Variants in FGF13 observed in about 807,000 individuals in gnomAD.
The protein encoded by FGF13 is fibroblast growth factor 13.
Under a neutral mutation model 19.5 loss-of-function variants are expected in FGF13, and 2 were observed. The ratio of observed to expected loss-of-function variants is 0.10; its 90% CI spans 0.04 to 0.32. The LOEUF (loss-of-function observed/expected upper bound fraction) is 0.32, where lower values mean the gene tolerates loss of function less well. Ranked by LOEUF, FGF13 falls within the 10% of genes least tolerant of loss-of-function variation. FGF13 has a pLI of 1.00. For missense variants in FGF13, 113 were observed against 192.7 expected (o/e 0.59, Z 2.45); for synonymous variants, 72 against 76.9 (o/e 0.94, Z 0.33).
chrX:138,819,705 A>G (rs1369221835), intron 3 of FGF13, among the ~76,000 whole-genome samples: 1 of 112,127 alleles, frequency 8.9e-6, no homozygotes, highest in Non-Finnish European at 1.9e-5. Flanking sequence ...AAAACTTTCA[A>G]TAATGGAGGC....
At chrX:138,840,778 T>C (rs1025691719) in intron 3 of FGF13, among the ~76,000 whole-genome samples, 1 of 111,802 alleles carries the variant, frequency 8.9e-6, no homozygotes, top group African/African-American at 3.2e-5. Context: ...GGTGGTGGTC[T>C]ACCAACCAAG....
At chrX:139,136,330 T>C (rs1193940010) in intron 1 of FGF13, among the ~76,000 whole-genome samples, 1 of 110,908 alleles carries the variant, frequency 9.0e-6, no homozygotes, top group Non-Finnish European at 1.9e-5. Flanking sequence ...AACTAATGTA[T>C]AGTTATTTAT....
intron 3 of FGF13, among the ~76,000 whole-genome samples, chrX:138,828,462 C>G (rs921151206): frequency 9.2e-6 from 1 of 108,562 alleles, no homozygotes; most frequent in African/African-American, 3.4e-5. Flanking sequence ...CCCAGCTACT[C>G]GAGAGGCTGA....
intron 1 of FGF13, among the ~76,000 whole-genome samples, chrX:138,939,313 T>C (rs1225427186): frequency 5.3e-5 from 6 of 112,293 alleles, no homozygotes; most frequent in Non-Finnish European, 9.4e-5. Flanking sequence ...GATTTCTCCC[T>C]GTATTCATAA....
intron 1 of FGF13, among the ~76,000 whole-genome samples, chrX:138,936,373 G>T (rs1474778417): frequency 1.8e-5 from 2 of 112,164 alleles, no homozygotes; most frequent in South Asian, 3.8e-4. Flanking sequence ...TAACTTCATT[G>T]TGACTATCTG....
intron 1 of FGF13, among the ~76,000 whole-genome samples, chrX:138,872,850 T>A (rs1245347371): frequency 9.0e-6 from 1 of 111,245 alleles, no homozygotes; most frequent in African/African-American, 3.3e-5. Flanking sequence ...CATTCTTCTC[T>A]GCTCCTTTAT....
At chrX:138,670,310 T>C (rs759850527) in intron 3 of FGF13, among the ~76,000 whole-genome samples, 1 of 111,760 alleles carries the variant, frequency 8.9e-6, no homozygotes, top group Non-Finnish European at 1.9e-5. Flanking sequence ...TTTATACGTA[T>C]AGAACAAAAT....
At chrX:139,141,611 C>T (rs1004434643) in intron 1 of FGF13, among the ~76,000 whole-genome samples, 1 of 111,762 alleles carries the variant, frequency 8.9e-6, no homozygotes, top group Non-Finnish European at 1.9e-5. Context: ...CCGCAAAGCT[C>T]TCCTCCCTTC....
intron 1 of FGF13, among the ~76,000 whole-genome samples, chrX:139,048,659 G>C (rs951742309): frequency 3.7e-5 from 4 of 107,160 alleles, no homozygotes; most frequent in African/African-American, 1.0e-4. Flanking sequence ...CTATTCCTGG[G>C]TAATTTTTTA....
chrX:138,852,759 T>A (rs1363311440), downstream of FGF13, among the ~76,000 whole-genome samples: 2 of 110,834 alleles, frequency 1.8e-5, no homozygotes, highest in Non-Finnish European at 1.9e-5. Context: ...ATCATCAGAG[T>A]GAACAAACAG....
chrX:139,170,181 C>T (rs1008316465), intron 1 of FGF13, among the ~76,000 whole-genome samples: 1 of 111,490 alleles, frequency 9.0e-6, no homozygotes, highest in African/African-American at 3.3e-5. Context: ...TTCAGTCCAC[C>T]CTCTGTCTTG....
At chrX:139,086,934 T>C (rs1463440644) in intron 1 of FGF13, among the ~76,000 whole-genome samples, 1 of 112,325 alleles carries the variant, frequency 8.9e-6, no homozygotes, top group Non-Finnish European at 1.9e-5. Flanking sequence ...AATATGCAGA[T>C]TTCATCACGT....
At chrX:138,950,336 C>G (rs1177185282) in intron 1 of FGF13, among the ~76,000 whole-genome samples, 1 of 112,202 alleles carries the variant, frequency 8.9e-6, no homozygotes, top group East Asian at 2.8e-4. Flanking sequence ...CTTTAGTTTA[C>G]TATTACATAT....
At chrX:139,040,066 A>C (rs2092264029) in intron 1 of FGF13, among the ~76,000 whole-genome samples, 1 of 112,488 alleles carries the variant, frequency 8.9e-6, no homozygotes, top group Non-Finnish European at 1.9e-5. Context: ...ATGTTCACCA[A>C]CGTCTTTTGT....
At chrX:138,880,666 C>A (rs116407960) in intron 1 of FGF13, among the ~76,000 whole-genome samples, 6,622 of 111,439 alleles carry the variant, frequency 0.059, 463 homozygotes, top group African/African-American at 0.2. Flanking sequence ...CAGTCGACTC[C>A]GCAGCACCTG....
intron 1 of FGF13, among the ~76,000 whole-genome samples, chrX:138,877,128 G>C (rs1317014265): frequency 9.0e-6 from 1 of 110,908 alleles, no homozygotes; most frequent in Non-Finnish European, 1.9e-5. Context: ...GTGGTGGGGG[G>C]TGAGGGACGG....
chrX:138,639,203 A>G (rs2089221008), intron 3 of FGF13, among the ~76,000 whole-genome samples: 1 of 111,858 alleles, frequency 8.9e-6, no homozygotes, highest in South Asian at 3.8e-4. Context: ...AATAATAGAA[A>G]TTGGATTTGT....
At chrX:138,793,895 A>AT (rs1345208779) in intron 3 of FGF13, among the ~76,000 whole-genome samples, 1 of 112,078 alleles carries the variant, frequency 8.9e-6, no homozygotes, top group African/African-American at 3.2e-5. Flanking sequence ...TTTACATGCA[A>AT]TATCATTGAC....
intron 3 of FGF13, among the ~76,000 whole-genome samples, chrX:138,811,530 C>T (rs905217859): frequency 6.3e-5 from 7 of 110,288 alleles, no homozygotes; most frequent in African/African-American, 1.3e-4. Context: ...ACCAACATGG[C>T]GCACGTATCC....
Sources: allele counts gnomAD v4.1 joint callset (sites outside exome capture counted in the v4.1 genomes callset), GRCh38; gene constraint gnomAD v4.1.1; transcripts MANE v1.5; gene names NCBI Gene and HGNC (gene_info 2026-07-23, HGNC 2026-07-21).